UBE3C: variants seen among roughly 807,000 people sequenced by gnomAD.
UBE3C encodes ubiquitin protein ligase E3C.
UBE3C carries 42 observed loss-of-function variants against 129.4 expected under a neutral mutation model. The observed-to-expected ratio is 0.32, with a 90% confidence interval of 0.25 to 0.42. The LOEUF (loss-of-function observed/expected upper bound fraction) is 0.42, where lower values mean the gene tolerates loss of function less well. Among genes scored for constraint, UBE3C ranks in the 10% least tolerant of loss-of-function variants. UBE3C has a pLI of 1.00. For synonymous variants in UBE3C, 510 were observed against 492.4 expected, an observed-to-expected ratio of 1.04 and a Z score of -0.47; for missense variants, 1,049 against 1,319.1, an observed-to-expected ratio of 0.80 and a Z score of 3.17.
intron 13 of UBE3C, among the ~76,000 whole-genome samples, chr7:157,211,907 G>T (rs1188338432): frequency 6.6e-6 from 1 of 152,170 alleles, no homozygotes; most frequent in Non-Finnish European, 1.5e-5. Flanking sequence ...ACAGAGGCCG[G>T]TCCTGTGGAA....
At chr7:157,203,917 C>G (rs911480701) in intron 11 of UBE3C, among the ~76,000 whole-genome samples, 3 of 152,156 alleles carry the variant, frequency 2.0e-5, no homozygotes, top group Admixed American at 1.3e-4. Flanking sequence ...CACAGCTTAG[C>G]CTAGCCTACC....
intron 11 of UBE3C, among the ~76,000 whole-genome samples, chr7:157,204,346 C>G (rs981178223): frequency 6.8e-6 from 1 of 146,994 alleles, no homozygotes; most frequent in Non-Finnish European, 1.5e-5. Context: ...TCTCCTGAGA[C>G]GAGATTGCGC....
At chr7:157,220,012 A>G (rs1187552883) in intron 14 of UBE3C, among the ~76,000 whole-genome samples, 2 of 152,120 alleles carry the variant, frequency 1.3e-5, no homozygotes, top group African/African-American at 4.8e-5. Context: ...GGAGTTCAAG[A>G]CCAGTCTGGG....
At chr7:157,204,790 G>C (rs1407456607) in intron 11 of UBE3C, among the ~76,000 whole-genome samples, 1 of 152,202 alleles carries the variant, frequency 6.6e-6, no homozygotes, top group Non-Finnish European at 1.5e-5. Context: ...TTCAGTGTGG[G>C]CAGTAGGTGC....
At chr7:157,169,688 G>GT (rs1432469986) in intron 3 of UBE3C, among the ~76,000 whole-genome samples, 1 of 151,096 alleles carries the variant, frequency 6.6e-6, no homozygotes, top group African/African-American at 2.4e-5. Flanking sequence ...TTTTTGTTTT[G>GT]TTTTTTGTTT....
chr7:157,254,006 G>A lies in UBE3C; in HGVS notation c.2747G>A (p.Arg916Gln), dbSNP rs1319958871. 6 of 1,611,604 alleles carry A rather than the reference G, an allele frequency of 3.7e-6. No individual in the cohort carries two copies. The highest frequency in any genetic ancestry group is 1.7e-5 in the Admixed American group (1 of 59,610). Reference sequence around the variant, plus strand: ...GACATCCCTGTCACCAGCGCCAACCGGATTGCGTACATCCACTTGGTGGCA... The same window carrying A: ...GACATCCCTGTCACCAGCGCCAACCAGATTGCGTACATCCACTTGGTGGCA... ...GKDIPVTSAN[R>Q]IAYIHLVADY... The change falls in exon 20 of 23, where the codon CGG becomes CAG. Residue 916 changes from arginine to glutamine, a missense_variant. Coordinates refer to ENST00000348165, the MANE Select transcript of UBE3C (RefSeq NM_014671.3).
At chr7:157,256,717 G>C in intron 21 of UBE3C, 197 bp from the exon 22 acceptor site, 1 of 565,716 alleles carries the variant, frequency 1.8e-6, no homozygotes, top group Non-Finnish European at 3.1e-6. Context: ...GGCATGAGAT[G>C]GGATTGTACC....
At chr7:157,236,762 C>T (rs1020204107) in intron 18 of UBE3C, among the ~76,000 whole-genome samples, 2 of 151,722 alleles carry the variant, frequency 1.3e-5, no homozygotes, top group Non-Finnish European at 2.9e-5. Flanking sequence ...GATGGAGTCT[C>T]ACTCTGTTGC....
intron 22 of UBE3C, among the ~76,000 whole-genome samples, chr7:157,263,865 T>G: frequency 6.6e-6 from 1 of 152,040 alleles, no homozygotes. Context: ...CCATTATTTT[T>G]TTATGTTTCC....
chr7:157,241,060 G>C (rs1276329003), intron 18 of UBE3C, among the ~76,000 whole-genome samples: 2 of 152,164 alleles, frequency 1.3e-5, no homozygotes, highest in East Asian at 3.8e-4. Flanking sequence ...GGGAAGGATG[G>C]TCTGGAAGTG....
In UBE3C at chr7:157,267,804, C is replaced by T. The variant is rs1797121492; in HGVS notation, c.*49C>T. 6.7e-7 allele frequency: 1 copy of T among 1,499,972 alleles called. No homozygotes were observed. Among genetic ancestry groups the T allele is most frequent in the South Asian group, 1.4e-5 (1 of 72,590 alleles). The allele number at this position is 1,499,972 out of a possible 1,614,324, so 92.9% of individuals were successfully genotyped here. On this transcript the variant is annotated 3_prime_UTR_variant, in exon 23 of 23. Transcript: ENST00000348165. ...TACAGAGAACCAGTGCTTCCTTCGT[C>T]AGCAGCGCCTCCCCAGACCCACGAG...
intron 10 of UBE3C, chr7:157,192,393 C>T (rs949362203): frequency 2.0e-5 from 14 of 692,184 alleles, no homozygotes; most frequent in Middle Eastern, 4.0e-4. Context: ...AAAACCCTTA[C>T]GGGGAAGACC....
chr7:157,267,769 G>A lies in UBE3C; in HGVS notation c.*14G>A, dbSNP rs780368185. 1 of 1,580,462 alleles carries A rather than the reference G, an allele frequency of 6.3e-7. No homozygotes were observed. The highest frequency in any genetic ancestry group is 1.2e-5 in the South Asian group (1 of 85,688). On this transcript the variant is annotated 3_prime_UTR_variant, in exon 23 of 23. Coordinates refer to ENST00000348165, the MANE Select transcript of UBE3C (RefSeq NM_014671.3). ...GAGCTGAGCTGAAGCTGATGCTGGGGTCAGACCCCTACAGAGAACCAGTGC... is the reference window on the plus strand; with the variant it reads ...GAGCTGAGCTGAAGCTGATGCTGGGATCAGACCCCTACAGAGAACCAGTGC...
At chr7:157,223,383 G>A (rs371202534) in intron 16 of UBE3C, 32 bp downstream of exon 16, 17 of 1,568,454 alleles carry the variant, frequency 1.1e-5, no homozygotes, top group South Asian at 4.6e-5. Context: ...TTGTCACTAC[G>A]TATCATATTA....
intron 15 of UBE3C, 185 bp downstream of exon 15, chr7:157,220,961 C>T: frequency 1.7e-6 from 1 of 575,020 alleles, no homozygotes; most frequent in Middle Eastern, 4.8e-4. Context: ...GCCACCTCTT[C>T]AGCAGCCACC....
chr7:157,223,704 G>A (rs1298421515), intron 16 of UBE3C, among the ~76,000 whole-genome samples: 2 of 152,082 alleles, frequency 1.3e-5, no homozygotes, highest in African/African-American at 2.4e-5. Flanking sequence ...CAGGTGGATC[G>A]AGCCCATGAG....
rs369225734 is a variant in UBE3C at position 157,200,352 on chromosome 7, A to G, written c.1332-1369A>G. Among the ~76,000 whole-genome samples, 150 of 152,312 alleles carry G rather than the reference A, an allele frequency of 9.8e-4. 2 individuals carry two copies. Among genetic ancestry groups the G allele is most frequent in the African/African-American group, 3.4e-3 (143 of 41,568 alleles). On this transcript the variant is annotated intron_variant, in intron 10 of 22. Coordinates refer to ENST00000348165, the MANE Select transcript of UBE3C (RefSeq NM_014671.3). ...TTTTAATCAGTACTTCATGATTCCT[A>G]TGGTGTACTCAGAAAGTGCCAATAT...
chr7:157,268,067 G>A lies in UBE3C; in HGVS notation c.*312G>A, dbSNP rs956072625. ...CTCAGTGAAATTAACCAAAGATGAA[G>A]CTTTGGCTTTGCTGGTGAGATCAGA... On this transcript the variant is annotated 3_prime_UTR_variant, in exon 23 of 23. Transcript: ENST00000348165. The A allele has an allele frequency of 4.7e-6, 1 of 213,720 alleles. No homozygotes were observed. Among genetic ancestry groups the A allele is most frequent in the Non-Finnish European group, 9.2e-6 (1 of 109,096 alleles). The allele number at this position is 213,720 out of a possible 1,614,324, so 13.2% of individuals were successfully genotyped here.
At chr7:157,246,520 G>A (rs1167544152) in intron 18 of UBE3C, among the ~76,000 whole-genome samples, 1 of 152,186 alleles carries the variant, frequency 6.6e-6, no homozygotes, top group African/African-American at 2.4e-5. Flanking sequence ...ACCCCATAAA[G>A]TTTTGTTTTG....
Sources: allele counts gnomAD v4.1 joint callset (sites outside exome capture counted in the v4.1 genomes callset), GRCh38; gene constraint gnomAD v4.1.1; transcripts MANE v1.5; gene names NCBI Gene and HGNC (gene_info 2026-07-23, HGNC 2026-07-21).